Variants in EIPR1 observed in about 807,000 individuals in gnomAD.
EIPR1 encodes EARP and GARP complex-interacting protein 1.
Under a neutral mutation model 48.1 loss-of-function variants are expected in EIPR1, and 25 were observed. The ratio of observed to expected loss-of-function variants is 0.52; its 90% CI spans 0.38 to 0.73. The LOEUF (loss-of-function observed/expected upper bound fraction) is 0.73, where lower values mean the gene tolerates loss of function less well. EIPR1 is among the 30% of genes least tolerant of loss of function. The probability of loss-of-function intolerance (pLI) is 0.00; values close to 1 mark genes in which losing one functional copy is unlikely to be tolerated. For synonymous variants in EIPR1, 204 were observed against 201.9 expected (o/e 1.01, Z -0.09); for missense variants, 415 against 506.2 (o/e 0.82, Z 1.73).
At chr2:3,314,043 G>A (rs538264238) in intron 3 of EIPR1, among the ~76,000 whole-genome samples, 4 of 152,156 alleles carry the variant, frequency 2.6e-5, no homozygotes, top group African/African-American at 4.8e-5. Flanking sequence ...CTAGCTCCCC[G>A]GAGAGCACCA....
intron 5 of EIPR1, among the ~76,000 whole-genome samples, chr2:3,201,391 G>A (rs188740714): frequency 5.7e-4 from 87 of 152,328 alleles, no homozygotes; most frequent in African/African-American, 2.1e-3. Flanking sequence ...TAAAATCAGA[G>A]GCGCCTCCCA....
intron 1 of EIPR1, among the ~76,000 whole-genome samples, chr2:3,361,326 A>G (rs1670846588): frequency 6.6e-6 from 1 of 152,018 alleles, no homozygotes; most frequent in East Asian, 1.9e-4. Context: ...CAACCCCCTA[A>G]GCTGCAAGGA....
chr2:3,276,478 C>T (rs1558267493), intron 3 of EIPR1, among the ~76,000 whole-genome samples: 1 of 152,210 alleles, frequency 6.6e-6, no homozygotes, highest in Non-Finnish European at 1.5e-5. Context: ...GATTGCTCTT[C>T]TAACGTGGTC....
intron 3 of EIPR1, among the ~76,000 whole-genome samples, chr2:3,332,911 A>G (rs1669941606): frequency 1.3e-5 from 2 of 152,230 alleles, no homozygotes; most frequent in African/African-American, 4.8e-5. Flanking sequence ...CCTTGCATGA[A>G]TAGAGATTTA....
chr2:3,318,961 A>G (rs1185901922), intron 3 of EIPR1: 1 of 471,496 alleles, frequency 2.1e-6, no homozygotes, highest in South Asian at 1.5e-5. Context: ...GATGTCTCCT[A>G]AAAAGACAAG....
intron 2 of EIPR1, among the ~76,000 whole-genome samples, chr2:3,348,114 G>C (rs1359160538): frequency 6.6e-6 from 1 of 152,174 alleles, no homozygotes; most frequent in Admixed American, 6.5e-5. Flanking sequence ...AGGCGCTGCA[G>C]GAACAAAGCT....
intron 4 of EIPR1, among the ~76,000 whole-genome samples, chr2:3,245,700 G>A (rs1367301991): frequency 2.0e-5 from 3 of 152,210 alleles, no homozygotes; most frequent in Non-Finnish European, 4.4e-5. Flanking sequence ...ATGCCAGTGT[G>A]AGGCACTTCA....
At chr2:3,307,090 G>A (rs1422618783) in intron 3 of EIPR1, among the ~76,000 whole-genome samples, 1 of 151,912 alleles carries the variant, frequency 6.6e-6, no homozygotes, top group Non-Finnish European at 1.5e-5. Context: ...AGCCTCCTGA[G>A]TAGATGGGAT....
chr2:3,363,901 C>T (rs1045959043), intron 1 of EIPR1, among the ~76,000 whole-genome samples: 1 of 151,392 alleles, frequency 6.6e-6, no homozygotes, highest in East Asian at 1.9e-4. Flanking sequence ...GCCAACAGGT[C>T]TATGAAAACA....
intron 3 of EIPR1, among the ~76,000 whole-genome samples, chr2:3,313,646 C>T (rs73913313): frequency 0.079 from 12,051 of 152,206 alleles, 576 homozygotes; most frequent in Middle Eastern, 0.2. Flanking sequence ...AATTTATAGC[C>T]ATTTTCAGCT....
At chr2:3,253,989 G>A (rs867478516) in intron 4 of EIPR1, among the ~76,000 whole-genome samples, 15 of 152,262 alleles carry the variant, frequency 9.9e-5, no homozygotes, top group South Asian at 2.1e-4. Context: ...GTGGGGAACC[G>A]TGTGGCATTC....
At chr2:3,208,727 G>C in intron 5 of EIPR1, 1 of 1,548,558 alleles carries the variant, frequency 6.5e-7, no homozygotes, top group South Asian at 1.2e-5. Flanking sequence ...CCATGCGTGA[G>C]GCTCGTGGCG....
chr2:3,300,017 C>T (rs2001812), intron 3 of EIPR1, among the ~76,000 whole-genome samples: 1 of 152,046 alleles, frequency 6.6e-6, no homozygotes, highest in Non-Finnish European at 1.5e-5. Context: ...GCAGCCTGGC[C>T]TGGCAAAGCG....
intron 3 of EIPR1, among the ~76,000 whole-genome samples, chr2:3,280,128 T>C (rs781456503): frequency 1.3e-5 from 2 of 152,248 alleles, no homozygotes; most frequent in Non-Finnish European, 2.9e-5. Flanking sequence ...GCCTTTCCGA[T>C]TCTTTAACTG....
intron 3 of EIPR1, among the ~76,000 whole-genome samples, chr2:3,306,825 C>A (rs575457941): frequency 3.3e-5 from 5 of 151,680 alleles, no homozygotes; most frequent in African/African-American, 1.2e-4. Flanking sequence ...CGTAAGTGGA[C>A]CCCCCCAGTC....
intron 5 of EIPR1, among the ~76,000 whole-genome samples, chr2:3,202,158 C>T (rs1169632363): frequency 1.3e-5 from 2 of 152,140 alleles, no homozygotes; most frequent in Non-Finnish European, 2.9e-5. Flanking sequence ...AGGATGGTCT[C>T]GATCTTCTGA....
intron 3 of EIPR1, chr2:3,262,092 C>T (rs1350019362): frequency 2.0e-4 from 31 of 152,228 alleles, no homozygotes; most frequent in Admixed American, 2.0e-3. Flanking sequence ...TTCCCAGGCC[C>T]TCAGGCACAT....
At chr2:3,272,988 C>T (rs1404880503) in intron 3 of EIPR1, among the ~76,000 whole-genome samples, 1 of 152,218 alleles carries the variant, frequency 6.6e-6, no homozygotes, top group African/African-American at 2.4e-5. Flanking sequence ...TCAGAGAACA[C>T]AGTTTAGACT....
chr2:3,340,500 T>A lies in EIPR1; in HGVS notation c.127-2351A>T, dbSNP rs183393231. ...GAACCAGAGAAATGAACACAGCACT[T>A]GTTTTTATAAGTGAAAATTTATTGT... On this transcript the variant is annotated intron_variant, in intron 2 of 8. Coordinates refer to ENST00000382125, the MANE Select transcript of EIPR1 (RefSeq NM_003310.5). 4.8e-4 allele frequency among the ~76,000 whole-genome samples: 73 copies of A among 152,372 alleles called. 2 individuals carry two copies. In the Middle Eastern group the frequency reaches 0.017, roughly 35 times the overall value.
Sources: gnomAD v4.1 joint callset for allele counts (sites outside exome capture counted in the v4.1 genomes callset) on GRCh38, gnomAD v4.1.1 for gene constraint, MANE v1.5 for transcripts, NCBI Gene and HGNC (gene_info 2026-07-23, HGNC 2026-07-21) for gene names.